Variants in ZC3H11A observed in about 807,000 individuals in gnomAD.
ZC3H11A encodes zinc finger CCCH domain-containing protein 11A.
Under a neutral mutation model 90.8 loss-of-function variants are expected in ZC3H11A, and 22 were observed. The observed-to-expected ratio is 0.24, with a 90% confidence interval of 0.17 to 0.35. The LOEUF is 0.35. ZC3H11A is among the 10% of genes least tolerant of loss of function. The pLI, the probability that ZC3H11A is intolerant of heterozygous loss-of-function variation, is 1.00. For synonymous variants in ZC3H11A, 294 were observed against 339.8 expected (o/e 0.87, Z 1.48); for missense variants, 701 against 964.9 (o/e 0.73, Z 3.62).
intron 11 of ZC3H11A, among the ~76,000 whole-genome samples, chr1:203,839,826 C>CA (rs1685513641): frequency 6.6e-6 from 1 of 151,994 alleles, no homozygotes; most frequent in Admixed American, 6.6e-5. Flanking sequence ...TTTTTTGAGA[C>CA]AGAGTCTCAC....
intron 4 of ZC3H11A, among the ~76,000 whole-genome samples, chr1:203,820,667 A>G (rs547276132): frequency 6.6e-6 from 1 of 152,056 alleles, no homozygotes; most frequent in South Asian, 2.1e-4. Flanking sequence ...TTTAGTAGAC[A>G]CGAGGTTTCG....
intron 1 of ZC3H11A, chr1:203,799,388 C>T: frequency 1.4e-6 from 1 of 703,222 alleles, no homozygotes; most frequent in Non-Finnish European, 2.6e-6. Context: ...CGGTCAAGGC[C>T]CGTCAGATAC....
At position 203,818,807 on chromosome 1, in the gene ZC3H11A, T is replaced by C. The variant is rs1024471658; in HGVS notation, c.174+118T>C. The C allele has an allele frequency of 1.4e-5, 20 of 1,465,594 alleles. No individual in the cohort carries two copies. In the African/African-American group the frequency reaches 2.4e-4, roughly 18 times the overall value. The allele number at this position is 1,465,594 out of a possible 1,614,324, so 90.8% of individuals were successfully genotyped here. ...TATTAAGGCTGAGTGCAGTGGCTCA[T>C]GCCTGTAGTTCCAGCACTTTGGGAG... On this transcript the variant is annotated intron_variant, in intron 4 of 17. Coordinates refer to ENST00000367210, the MANE Select transcript of ZC3H11A (RefSeq NM_001376342.1).
intron 8 of ZC3H11A, 42 bp downstream of exon 8, chr1:203,830,245 G>T: frequency 6.8e-7 from 1 of 1,481,104 alleles, no homozygotes; most frequent in South Asian, 1.2e-5. Flanking sequence ...TATGTTGCTA[G>T]GGAAGAATAC....
At chr1:203,826,809 C>T (rs1680672172) in intron 4 of ZC3H11A, among the ~76,000 whole-genome samples, 1 of 152,012 alleles carries the variant, frequency 6.6e-6, no homozygotes, top group South Asian at 2.1e-4. Context: ...TATCTTTTTT[C>T]CCCCTTTTTT....
At position 203,847,552 on chromosome 1, in the gene ZC3H11A, A is replaced by G. The variant is rs1688216930; in HGVS notation, c.1411A>G (p.Ile471Val). Residue 471 changes from isoleucine to valine, a missense_variant, in exon 13 of 18, where the codon ATC (isoleucine) becomes GTC (valine). Coordinates refer to ENST00000367210, the MANE Select transcript of ZC3H11A (RefSeq NM_001376342.1). ...GKTKSMQEVH[I>V]KTLEEIKLEK... ...AACAAAGTCTATGCAGGAGGTGCAC[A>G]TCAAGACGCTGGAAGAAATTAAACT... 6.2e-7 allele frequency: 1 copy of G among 1,613,866 alleles called. No individual in the cohort carries two copies. Among genetic ancestry groups the G allele is most frequent in the South Asian group, 1.1e-5 (1 of 91,084 alleles).
chr1:203,800,235 T>C, intron 1 of ZC3H11A: 1 of 1,299,634 alleles, frequency 7.7e-7, no homozygotes, highest in South Asian at 1.3e-5. Context: ...TGCCATCCAG[T>C]ATCTAAGTTG....
chr1:203,801,423 T>C (rs547189962), intron 1 of ZC3H11A, 152 bp from the exon 2 acceptor site: 11 of 152,230 alleles, frequency 7.2e-5, no homozygotes, highest in Admixed American at 2.0e-4. Flanking sequence ...ATGAGTGAAT[T>C]GATCTCATTT....
chr1:203,838,322 G>C (rs1171856078), intron 11 of ZC3H11A, among the ~76,000 whole-genome samples: 1 of 152,206 alleles, frequency 6.6e-6, no homozygotes, highest in South Asian at 2.1e-4. Context: ...GATAAATTTT[G>C]TAACAGAGAA....
chr1:203,842,001 G>GAT (rs1686457070), intron 12 of ZC3H11A, among the ~76,000 whole-genome samples: 1 of 146,886 alleles, frequency 6.8e-6, no homozygotes, highest in African/African-American at 2.6e-5. Flanking sequence ...CATCCCAGAC[G>GAT]GGGCGGCAGG....
intron 10 of ZC3H11A, among the ~76,000 whole-genome samples, chr1:203,835,079 C>T (rs866100639): frequency 6.6e-6 from 1 of 152,204 alleles, no homozygotes; most frequent in Non-Finnish European, 1.5e-5. Context: ...ATCTTCAGAA[C>T]CGTTCTGAAC....
rs1432998463 is a variant in ZC3H11A at position 203,798,583 on chromosome 1, G to A, written c.-1588+2789G>A. The A allele has an allele frequency of 8.5e-6, 13 of 1,535,984 alleles. 1 individual carries two copies. In the South Asian group the frequency reaches 1.2e-4, roughly 14 times the overall value. ...ACCTTGCATGGAGAAAAGTCTACAG[G>A]CAGCCAAGATTTAACAGCTGAGGAC... On this transcript the variant is annotated intron_variant, in intron 1 of 17. Transcript: ENST00000367210.
chr1:203,815,318 G>T (rs1023445260), intron 2 of ZC3H11A, among the ~76,000 whole-genome samples: 1 of 134,554 alleles, frequency 7.4e-6, no homozygotes, highest in African/African-American at 2.8e-5. Flanking sequence ...GGGTTCAAGT[G>T]ATTCTTGTGC....
intron 4 of ZC3H11A, among the ~76,000 whole-genome samples, chr1:203,819,083 T>C (rs1317285044): frequency 3.0e-5 from 2 of 67,162 alleles, no homozygotes; most frequent in African/African-American, 8.6e-5. Context: ...AAAAAATATA[T>C]ATATATACAC....
chr1:203,833,461 G>C lies in ZC3H11A; in HGVS notation c.812-330G>C, dbSNP rs543416688. Among the ~76,000 whole-genome samples the C allele has an allele frequency of 2.6e-5, 4 of 151,870 alleles. No homozygotes were observed. The South Asian group carries it at 8.3e-4, about 32-fold the overall frequency. On this transcript the variant is annotated intron_variant, in intron 9 of 17. Transcript: ENST00000367210. ...CAGGAGAATTGCTTGAACCCAGGAG[G>C]TGGAAGTTGCAATGAGCCAAGATGG...
intron 15 of ZC3H11A, chr1:203,850,288 A>G: frequency 1.5e-6 from 1 of 678,998 alleles, no homozygotes; most frequent in Non-Finnish European, 2.5e-6. Flanking sequence ...AAAAACAAGG[A>G]ATAGAGGAAT....
At chr1:203,796,551 C>G (rs1668567021) in intron 1 of ZC3H11A, 1 of 398,574 alleles carries the variant, frequency 2.5e-6, no homozygotes, top group Non-Finnish European at 4.4e-6. Flanking sequence ...GGCCTTGGTT[C>G]TGGACCTTGA....
At chr1:203,835,514 ATTTTAT>A (rs1684028738) in intron 10 of ZC3H11A, 1 of 158,998 alleles carries the variant, frequency 6.3e-6, no homozygotes, top group Non-Finnish European at 1.4e-5. Flanking sequence ...TAAGAGCAGT[ATTTTAT>A]TTTTGTTTAT....
intron 4 of ZC3H11A, among the ~76,000 whole-genome samples, chr1:203,824,920 C>T (rs1315422512): frequency 6.6e-6 from 1 of 151,258 alleles, no homozygotes; most frequent in East Asian, 1.9e-4. Flanking sequence ...ACTAAAAATA[C>T]AAAAAAATTA....
Sources: gnomAD v4.1 joint callset for allele counts (sites outside exome capture counted in the v4.1 genomes callset) on GRCh38, gnomAD v4.1.1 for gene constraint, MANE v1.5 for transcripts, NCBI Gene and HGNC (gene_info 2026-07-23, HGNC 2026-07-21) for gene names.